DCAF7: variants seen among roughly 807,000 people sequenced by gnomAD.
DCAF7 encodes DDB1 and CUL4 associated factor 7.
In DCAF7, 4 loss-of-function variants were observed where a neutral mutation model predicts 41.2. The observed-to-expected ratio is 0.10, with a 90% CI of 0.05 to 0.22. The LOEUF (loss-of-function observed/expected upper bound fraction) is 0.22. DCAF7 is among the 10% of genes least tolerant of loss of function. DCAF7 has a pLI of 1.00. For missense variants in DCAF7, 131 were observed against 443.2 expected, an observed-to-expected ratio of 0.30 and a Z score of 6.32; for synonymous variants, 143 against 164.2, an observed-to-expected ratio of 0.87 and a Z score of 0.99.
Position 63,591,376 on chromosome 17 carries a change from A to G in DCAF7, c.*2204A>G, listed in dbSNP as rs1253396838. 1 of 152,196 alleles carries G rather than the reference A, an allele frequency of 6.6e-6. No homozygotes were observed. The highest frequency in any genetic ancestry group is 1.5e-5 in the Non-Finnish European group (1 of 68,060). 9.4% of individuals were successfully genotyped at this position (152,196 alleles called of 1,614,324 possible). A position where few individuals can be genotyped will look rare whatever the true frequency, so the allele number is the denominator to read the frequency against. Reference sequence around the variant, plus strand: ...ACTTGAAAAAAAAATAATAATTAGAACATATTTGCATAAGATAGCTATTTA... The same window carrying G: ...ACTTGAAAAAAAAATAATAATTAGAGCATATTTGCATAAGATAGCTATTTA... On this transcript the variant is annotated 3_prime_UTR_variant, in exon 7 of 7. Transcript: ENST00000614556.
chr17:63,593,864 T>C lies in DCAF7; in HGVS notation c.*4692T>C, dbSNP rs2033758808. ...TGTTAAGCTCTAACTGATCCATTTC[T>C]GTGTCCTTTAGCCTAGTATGTCTGA... On this transcript the variant is annotated 3_prime_UTR_variant, in exon 7 of 7. Transcript: ENST00000614556. 1 of 152,702 alleles carries C rather than the reference T, an allele frequency of 6.5e-6. No homozygotes were observed. The allele number at this position is 152,702 out of a possible 1,614,324, so 9.5% of individuals were successfully genotyped here.
chr17:63,555,102 AT>A (rs1323452454), intron 1 of DCAF7, among the ~76,000 whole-genome samples: 2 of 152,168 alleles, frequency 1.3e-5, no homozygotes, highest in Non-Finnish European at 2.9e-5. Context: ...TTTTGACAAT[AT>A]GTTTGGTCTT....
At position 63,589,228 on chromosome 17, in the gene DCAF7, C is replaced by G; in HGVS notation, c.*56C>G. 1 of 1,601,454 alleles carries G rather than the reference C, an allele frequency of 6.2e-7. No individual in the cohort carries two copies. The highest frequency in any genetic ancestry group is 1.1e-5 in the South Asian group (1 of 90,784). On this transcript the variant is annotated 3_prime_UTR_variant, in exon 7 of 7. Transcript: ENST00000614556. The stretch of plus-strand genomic sequence containing the variant: ...GCTTTTGTATTTCCTGCCTCTGCCC[C>G]ACCCCCAAAGTAAGAAGAAACATGT...
At chr17:63,574,711 A>C (rs1266399219) in intron 1 of DCAF7, among the ~76,000 whole-genome samples, 1 of 152,246 alleles carries the variant, frequency 6.6e-6, no homozygotes, top group African/African-American at 2.4e-5. Context: ...AGTGGCTCAT[A>C]TGTGTAAGCC....
intron 1 of DCAF7, among the ~76,000 whole-genome samples, chr17:63,557,532 AT>A (rs1313414262): frequency 1.3e-5 from 2 of 152,104 alleles, no homozygotes; most frequent in African/African-American, 4.8e-5. Flanking sequence ...AAGAAACAGA[AT>A]AAAGATGAAC....
intron 5 of DCAF7, among the ~76,000 whole-genome samples, 199 bp downstream of exon 5, chr17:63,583,910 A>G (rs1380885930): frequency 6.6e-6 from 1 of 152,166 alleles, no homozygotes. Context: ...GGAGGCTGCT[A>G]AATATCCTAC....
intron 1 of DCAF7, among the ~76,000 whole-genome samples, chr17:63,568,757 G>T (rs181663105): frequency 6.6e-6 from 1 of 152,190 alleles, no homozygotes; most frequent in Non-Finnish European, 1.5e-5. Flanking sequence ...GACCCGGCCA[G>T]TGGAAAGCTG....
chr17:63,579,025 T>G (rs866040272), intron 2 of DCAF7, among the ~76,000 whole-genome samples: 4 of 152,182 alleles, frequency 2.6e-5, no homozygotes, highest in Non-Finnish European at 4.4e-5. Context: ...GCTGAGCTCA[T>G]CAGCAGCAGC....
At chr17:63,558,094 C>T (rs939153499) in intron 1 of DCAF7, among the ~76,000 whole-genome samples, 1 of 151,952 alleles carries the variant, frequency 6.6e-6, no homozygotes, top group African/African-American at 2.4e-5. Context: ...AGGGTTTTGC[C>T]ATGTTGCCCA....
intron 5 of DCAF7, 106 bp downstream of exon 5, chr17:63,583,817 T>C: frequency 8.7e-7 from 1 of 1,153,798 alleles, no homozygotes; most frequent in Non-Finnish European, 1.3e-6. Flanking sequence ...CCGGAGTATC[T>C]TTGGGAATGT....
intron 3 of DCAF7, 86 bp downstream of exon 3, chr17:63,579,534 A>G (rs2033596859): frequency 9.9e-7 from 1 of 1,014,906 alleles, no homozygotes; most frequent in East Asian, 2.6e-5. Context: ...ACATCCTAGA[A>G]CAAGGCTCAG....
chr17:63,563,563 G>A (rs930646306), intron 1 of DCAF7, among the ~76,000 whole-genome samples: 1 of 152,118 alleles, frequency 6.6e-6, no homozygotes, highest in African/African-American at 2.4e-5. Flanking sequence ...GTGGTGGCTG[G>A]GCGTGGTGGC....
In DCAF7 at chr17:63,590,612, C is replaced by T. The variant is rs1190430694; in HGVS notation, c.*1440C>T. The T allele has an allele frequency of 2.6e-5, 4 of 152,582 alleles. No homozygotes were observed. Among genetic ancestry groups the T allele is most frequent in the Non-Finnish European group, 4.4e-5 (3 of 68,058 alleles). The allele number at this position is 152,582 out of a possible 1,614,324, so 9.5% of individuals were successfully genotyped here. On this transcript the variant is annotated 3_prime_UTR_variant, in exon 7 of 7. Coordinates refer to ENST00000614556, the MANE Select transcript of DCAF7 (RefSeq NM_005828.5). ...TGGAGGGGCATATGTGTGATTCCAC[C>T]GTTAGATGAGCCCTTGGGGCAGGCA...
Position 63,550,709 on chromosome 17 carries a change from A to G in DCAF7, c.32A>G (p.Tyr11Cys). The G allele has an allele frequency of 6.2e-7, 1 of 1,613,840 alleles. No homozygotes were observed. The highest frequency in any genetic ancestry group is 8.5e-7 in the Non-Finnish European group (1 of 1,179,822). ...CTGCACGGCAAACGGAAGGAGATCT[A>G]CAAGTATGAAGCGCCCTGGACAGTC... MSLHGKRKEI[Y>C]KYEAPWTVYA... The change falls in exon 1 of 7, where the codon TAC becomes TGC. Residue 11 changes from tyrosine (Y) to cysteine (C), a missense_variant. By Grantham distance (194) the Tyr-to-Cys change is radical (BLOSUM62 -2). Coordinates refer to ENST00000614556, the MANE Select transcript of DCAF7 (RefSeq NM_005828.5). The surrounding 1 kb of genome is among the most constrained non-coding windows in gnomAD (Gnocchi z 4.8).
chr17:63,559,399 G>GTATATATATATGTA (rs10637228), intron 1 of DCAF7, among the ~76,000 whole-genome samples: 37 of 88,096 alleles, frequency 4.2e-4, no homozygotes, highest in African/African-American at 1.5e-3. Flanking sequence ...ATATATATAT[G>GTATATATATATGTA]TATATATATG....
rs1232956134 is a variant in DCAF7, at chr17:63,550,880, G to A, written c.138+65G>A. The stretch of plus-strand genomic sequence containing the variant: ...CGGGCCCCGGGAGCGCCCTTTCCGG[G>A]CCGGAGCCCAGGCCTCAGAACCCTC... On this transcript the variant is annotated intron_variant, in intron 1 of 6. Coordinates refer to ENST00000614556, the MANE Select transcript of DCAF7 (RefSeq NM_005828.5). The surrounding 1 kb of genome is among the most constrained non-coding windows in gnomAD (Gnocchi z 4.8). The A allele has an allele frequency of 1.3e-6, 2 of 1,566,316 alleles. No homozygotes were observed. The highest frequency in any genetic ancestry group is 1.7e-6 in the Non-Finnish European group (2 of 1,157,784).
intron 5 of DCAF7, 81 bp from the exon 6 acceptor site, chr17:63,585,130 A>G: frequency 1.1e-5 from 13 of 1,149,078 alleles, no homozygotes; most frequent in Admixed American, 2.1e-5. Flanking sequence ...GCCTAAAAAG[A>G]TTTTTGCATG....
In DCAF7 at chr17:63,580,570, G is replaced by A. The variant is rs183376351; in HGVS notation, c.528+627G>A. Among the ~76,000 whole-genome samples, 333 of 139,324 alleles carry A rather than the reference G, an allele frequency of 2.4e-3. 3 individuals are homozygous for A. The highest frequency in any genetic ancestry group is 4.1e-3 in the Non-Finnish European group (268 of 65,980). The allele number at this position is 139,324 out of a possible 152,430, so 91.4% of individuals were successfully genotyped here. A position where few individuals can be genotyped will look rare whatever the true frequency, so the allele number is the denominator to read the frequency against. ...TTTTCCTCTTGTTGCCCAGGCTGGA[G>A]TGCAATGGCGCAATCTGGGCTCACT... On this transcript the variant is annotated intron_variant, in intron 4 of 6. Coordinates refer to ENST00000614556, the MANE Select transcript of DCAF7 (RefSeq NM_005828.5).
chr17:63,560,968 C>T (rs967063296), intron 1 of DCAF7, among the ~76,000 whole-genome samples: 6 of 152,200 alleles, frequency 3.9e-5, no homozygotes, highest in African/African-American at 1.4e-4. Context: ...TGATGGCTCA[C>T]ACCTGTAATC....
Sources: allele counts gnomAD v4.1 joint callset (sites outside exome capture counted in the v4.1 genomes callset), GRCh38; gene constraint gnomAD v4.1.1; non-coding constraint Gnocchi (gnomAD v3.1); transcripts MANE v1.5; gene names NCBI Gene and HGNC (gene_info 2026-07-23, HGNC 2026-07-21).